Variants in CNTN4 observed in about 807,000 individuals in gnomAD.
CNTN4 encodes the protein contactin 4, also known as contactin-4.
A neutral mutation model predicts 122.5 loss-of-function variants in CNTN4; 77 were observed. The ratio of observed to expected loss-of-function variants is 0.63; its 90% confidence interval spans 0.52 to 0.76. The LOEUF (loss-of-function observed/expected upper bound fraction) is 0.76, where lower values mean the gene tolerates loss of function less well. CNTN4 is among the 30% of genes least tolerant of loss of function. The pLI is 0.00. For synonymous variants in CNTN4, 512 were observed against 447.0 expected (o/e 1.15, Z -1.83); for missense variants, 1,256 against 1,259.1 (o/e 1.00, Z 0.04).
At chr3:2,326,009 G>T (rs1439551638) in intron 2 of CNTN4, among the ~76,000 whole-genome samples, 2 of 151,936 alleles carry the variant, frequency 1.3e-5, no homozygotes, top group African/African-American at 4.8e-5. Context: ...TAATTTTATG[G>T]TTCAGTTTGA....
chr3:2,157,110 G>A (rs919260295), intron 2 of CNTN4, among the ~76,000 whole-genome samples: 2 of 152,156 alleles, frequency 1.3e-5, no homozygotes, highest in South Asian at 2.1e-4. Flanking sequence ...TAAAAGAGAA[G>A]TTCTGGTTCC....
chr3:2,468,610 A>G (rs924815553), intron 3 of CNTN4, among the ~76,000 whole-genome samples: 6 of 152,158 alleles, frequency 3.9e-5, no homozygotes, highest in African/African-American at 1.2e-4. Flanking sequence ...TTTATGCTAT[A>G]TTACTATTAC....
At chr3:2,858,270 AT>A (rs2150744709) in intron 7 of CNTN4, among the ~76,000 whole-genome samples, 1 of 152,332 alleles carries the variant, frequency 6.6e-6, no homozygotes, top group East Asian at 1.9e-4. Flanking sequence ...AGAATAAGAA[AT>A]TCCAAGAGTG....
intron 12 of CNTN4, 26 bp from the exon 13 acceptor site, chr3:2,925,603 T>C: frequency 6.2e-7 from 1 of 1,607,892 alleles, no homozygotes; most frequent in Non-Finnish European, 8.5e-7. Context: ...TCTTGCATAA[T>C]AATTATTTTT....
At chr3:2,995,568 C>G (rs1695459745) in intron 14 of CNTN4, among the ~76,000 whole-genome samples, 1 of 152,160 alleles carries the variant, frequency 6.6e-6, no homozygotes, top group Non-Finnish European at 1.5e-5. Flanking sequence ...AGCAAAGCCT[C>G]TATGCTGAAG....
At chr3:2,570,193 A>T (rs1057228333) in intron 3 of CNTN4, among the ~76,000 whole-genome samples, 2 of 151,690 alleles carry the variant, frequency 1.3e-5, no homozygotes, top group Non-Finnish European at 2.9e-5. Context: ...TTTTTCTCTG[A>T]GACAGGGTCT....
At chr3:2,713,143 G>C (rs778001743) in intron 4 of CNTN4, among the ~76,000 whole-genome samples, 1 of 152,160 alleles carries the variant, frequency 6.6e-6, no homozygotes, top group Non-Finnish European at 1.5e-5. Context: ...TATCTGAAGT[G>C]GGGGAGCAGT....
At chr3:2,950,631 T>G (rs906903449) in intron 13 of CNTN4, among the ~76,000 whole-genome samples, 1 of 152,212 alleles carries the variant, frequency 6.6e-6, no homozygotes, top group African/African-American at 2.4e-5. Context: ...TGAGAAAGAA[T>G]AGAGAAGGCA....
intron 2 of CNTN4, among the ~76,000 whole-genome samples, chr3:2,210,958 G>A (rs1038365007): frequency 6.6e-6 from 1 of 152,188 alleles, no homozygotes; most frequent in Non-Finnish European, 1.5e-5. Flanking sequence ...TGGGTTTTCA[G>A]AGAATTCTTG....
At chr3:3,000,232 G>A (rs1695906126) in intron 14 of CNTN4, among the ~76,000 whole-genome samples, 3 of 151,946 alleles carry the variant, frequency 2.0e-5, no homozygotes, top group South Asian at 4.2e-4. Flanking sequence ...ACAAGAGAGG[G>A]GGGAAATATA....
intron 3 of CNTN4, among the ~76,000 whole-genome samples, chr3:2,435,532 T>C (rs2048230207): frequency 6.6e-6 from 1 of 152,152 alleles, no homozygotes; most frequent in Non-Finnish European, 1.5e-5. Context: ...CTGTATAAGC[T>C]GTATACAATC....
intron 2 of CNTN4, among the ~76,000 whole-genome samples, chr3:2,297,426 A>G (rs1186116948): frequency 1.3e-5 from 2 of 152,160 alleles, no homozygotes; most frequent in Admixed American, 1.3e-4. Flanking sequence ...TTGTGTTAAG[A>G]GGTTATGTTG....
intron 3 of CNTN4, among the ~76,000 whole-genome samples, chr3:2,463,524 C>T (rs2075390277): frequency 6.6e-6 from 1 of 152,144 alleles, no homozygotes; most frequent in Admixed American, 6.6e-5. Flanking sequence ...CTTTGGGAGG[C>T]TGAGGCGGAT....
intron 6 of CNTN4, among the ~76,000 whole-genome samples, chr3:2,804,091 A>AGACACACT (rs2092409854): frequency 6.9e-6 from 1 of 144,104 alleles, no homozygotes; most frequent in Non-Finnish European, 1.5e-5. Context: ...ACACACACAC[A>AGACACACT]CACACACGTA....
chr3:2,567,536 T>A (rs899981213), intron 3 of CNTN4, among the ~76,000 whole-genome samples: 2 of 152,198 alleles, frequency 1.3e-5, no homozygotes, highest in Non-Finnish European at 1.5e-5. Flanking sequence ...GTTTCAACTT[T>A]GTGCCAGTAC....
chr3:2,292,029 C>A (rs2042154336), intron 2 of CNTN4, among the ~76,000 whole-genome samples: 1 of 152,158 alleles, frequency 6.6e-6, no homozygotes, highest in Non-Finnish European at 1.5e-5. Flanking sequence ...AGCCACCGCG[C>A]CTGGCGAACT....
At chr3:2,950,134 C>T (rs1250273980) in intron 13 of CNTN4, among the ~76,000 whole-genome samples, 1 of 152,210 alleles carries the variant, frequency 6.6e-6, no homozygotes, top group African/African-American at 2.4e-5. Context: ...CTTGCAGAGA[C>T]TCATGGAATT....
chr3:2,384,924 T>C (rs981672359), intron 3 of CNTN4, among the ~76,000 whole-genome samples: 7 of 152,202 alleles, frequency 4.6e-5, no homozygotes, highest in Non-Finnish European at 8.8e-5. Flanking sequence ...TTTTAAAACA[T>C]TGGTTTCATA....
intron 2 of CNTN4, among the ~76,000 whole-genome samples, chr3:2,145,586 T>A (rs1278202432): frequency 2.6e-5 from 4 of 152,200 alleles, no homozygotes; most frequent in Non-Finnish European, 5.9e-5. Context: ...AGGAATAAGA[T>A]GAAATATCCT....
Sources: gnomAD v4.1 joint callset for allele counts (sites outside exome capture counted in the v4.1 genomes callset) on GRCh38, gnomAD v4.1.1 for gene constraint, MANE v1.5 for transcripts, NCBI Gene and HGNC (gene_info 2026-07-23, HGNC 2026-07-21) for gene names.